SMARCA4: variants seen among roughly 807,000 people sequenced by gnomAD.
The protein encoded by SMARCA4 is SWI/SNF related BAF chromatin remodeling complex subunit ATPase 4.
Under a neutral mutation model 193.9 loss-of-function variants are expected in SMARCA4, and 31 were observed. The observed-to-expected ratio is 0.16, with a 90% CI of 0.12 to 0.22. The LOEUF (loss-of-function observed/expected upper bound fraction) is 0.22, where lower values mean the gene tolerates loss of function less well. SMARCA4 is among the 10% of genes least tolerant of loss of function. The probability of loss-of-function intolerance (pLI) is 1.00; values close to 1 mark genes in which losing one functional copy is unlikely to be tolerated. For missense variants in SMARCA4, 1,148 were observed against 2,296.0 expected (o/e 0.50, Z 10.22); for synonymous variants, 942 against 933.1 (o/e 1.01, Z -0.17).
intron 1 of SMARCA4, among the ~76,000 whole-genome samples, chr19:10,962,840 G>C (rs1469268843): frequency 1.3e-5 from 2 of 152,238 alleles, no homozygotes; most frequent in East Asian, 1.9e-4. Flanking sequence ...ACTGCGCCAG[G>C]ATTGTATTTT....
intron 15 of SMARCA4, chr19:11,010,804 G>A (rs1012136119): frequency 2.6e-5 from 13 of 492,270 alleles, no homozygotes; most frequent in African/African-American, 2.3e-4. Flanking sequence ...CACTCCAGTG[G>A]CCTCACAGAG....
At chr19:11,020,161 T>C (rs2089732110) in intron 18 of SMARCA4, among the ~76,000 whole-genome samples, 2 of 152,208 alleles carry the variant, frequency 1.3e-5, no homozygotes, top group Admixed American at 1.3e-4. Context: ...CATGACTGCC[T>C]GCTGGCCTTG....
chr19:11,034,245 G>C lies in SMARCA4; in HGVS notation c.3951+45G>C, dbSNP rs1462685631. 2 of 1,462,250 alleles carry C rather than the reference G, an allele frequency of 1.4e-6. No homozygotes were observed. The highest frequency in any genetic ancestry group is 1.1e-5 in the South Asian group (1 of 88,144). The allele number at this position is 1,462,250 out of a possible 1,614,324, so 90.6% of individuals were successfully genotyped here. A position where few individuals can be genotyped will look rare whatever the true frequency, so the allele number is the denominator to read the frequency against. On this transcript the variant is annotated intron_variant, in intron 28 of 34. Coordinates refer to ENST00000344626, the MANE Select transcript of SMARCA4 (RefSeq NM_003072.5). This position sits in a 1 kb window ranked among gnomAD's most constrained non-coding sequence, Gnocchi z 7.0. ...TGGGGCAGTTCAGGCATCCCACTCT[G>C]CTGCCACCAGGAGCAAAGCAGACGT...
chr19:11,060,983 C>G (rs995735022), intron 34 of SMARCA4, among the ~76,000 whole-genome samples: 1 of 151,992 alleles, frequency 6.6e-6, no homozygotes, highest in Non-Finnish European at 1.5e-5. Context: ...TCTCTCTTGC[C>G]TAATCCAGAG....
chr19:10,964,804 A>C (rs1420147423), intron 1 of SMARCA4, among the ~76,000 whole-genome samples: 2 of 151,740 alleles, frequency 1.3e-5, no homozygotes, highest in Non-Finnish European at 2.9e-5. Flanking sequence ...TTTAGTAGAG[A>C]CCGGGTTTCA....
In SMARCA4 at chr19:10,984,889, A is replaced by T. The variant is rs564721085; in HGVS notation, c.223-384A>T. Reference sequence around the variant, plus strand: ...CTTTATGGTCACAAGTCTCTTTTGCATGTCCCTGGATGTGGTTAGAGGACA... The same window carrying T: ...CTTTATGGTCACAAGTCTCTTTTGCTTGTCCCTGGATGTGGTTAGAGGACA... On this transcript the variant is annotated intron_variant, in intron 2 of 34. Transcript: ENST00000344626. The surrounding 1 kb of genome is among the most constrained non-coding windows in gnomAD (Gnocchi z 4.3). Among the ~76,000 whole-genome samples, 1 of 152,292 alleles carries T rather than the reference A, an allele frequency of 6.6e-6. No homozygotes were observed. Among genetic ancestry groups the T allele is most frequent in the East Asian group, 1.9e-4 (1 of 5,182 alleles).
intron 1 of SMARCA4, among the ~76,000 whole-genome samples, chr19:10,978,780 A>AAAAAT (rs2085333697): frequency 6.7e-6 from 1 of 148,152 alleles, no homozygotes; most frequent in African/African-American, 2.5e-5. Context: ...AAATACAAAA[A>AAAAAT]ATATATATAT....
At chr19:11,000,002 G>A (rs1167011248) in intron 11 of SMARCA4, among the ~76,000 whole-genome samples, 2 of 152,108 alleles carry the variant, frequency 1.3e-5, no homozygotes, top group African/African-American at 4.8e-5. Context: ...AAGGTGGGCG[G>A]ATCACCTAAG....
At position 11,033,580 on chromosome 19, in the gene SMARCA4, A is replaced by G. The variant is rs1270704186; in HGVS notation, c.3774+63A>G. ...AATGGTGGACGCGTGAGCGGCTTTCATTTTTGTTTTTTTACCTTTTTTGCA... is the reference window on the plus strand; with the variant it reads ...AATGGTGGACGCGTGAGCGGCTTTCGTTTTTGTTTTTTTACCTTTTTTGCA... On this transcript the variant is annotated intron_variant, in intron 26 of 34. Coordinates refer to ENST00000344626, the MANE Select transcript of SMARCA4 (RefSeq NM_003072.5). The surrounding 1 kb of genome is among the most constrained non-coding windows in gnomAD (Gnocchi z 9.8). 9 of 1,388,576 alleles carry G rather than the reference A, an allele frequency of 6.5e-6. No individual in the cohort carries two copies. The highest frequency in any genetic ancestry group is 2.8e-5 in the African/African-American group (2 of 70,342). The allele number at this position is 1,388,576 out of a possible 1,614,324, so 86.0% of individuals were successfully genotyped here.
chr19:11,061,500 C>T (rs2147151466), intron 34 of SMARCA4, among the ~76,000 whole-genome samples: 1 of 152,150 alleles, frequency 6.6e-6, no homozygotes, highest in African/African-American at 2.4e-5. Context: ...CTCAGCCTCC[C>T]AAGTAGCTGG....
intron 1 of SMARCA4, among the ~76,000 whole-genome samples, chr19:10,966,860 C>T (rs2084263252): frequency 6.6e-6 from 1 of 151,208 alleles, no homozygotes; most frequent in Admixed American, 6.6e-5. Flanking sequence ...TGCACTCCAG[C>T]CTGGGCGACA....
chr19:11,018,142 C>T (rs934342420), intron 16 of SMARCA4, among the ~76,000 whole-genome samples: 1 of 152,176 alleles, frequency 6.6e-6, no homozygotes, highest in Non-Finnish European at 1.5e-5. Context: ...GGGGGCAAAC[C>T]ACGAGTAGTC....
At chr19:10,997,116 T>C (rs2087139330) in intron 11 of SMARCA4, among the ~76,000 whole-genome samples, 2 of 151,884 alleles carry the variant, frequency 1.3e-5, no homozygotes, top group Admixed American at 1.3e-4. Context: ...GCCCCGCGAG[T>C]TCAATCAATT....
chr19:10,979,755 A>C lies in SMARCA4; in HGVS notation c.-31-4366A>C, dbSNP rs563746364. On this transcript the variant is annotated intron_variant, in intron 1 of 34. Transcript: ENST00000344626. Reference sequence around the variant, plus strand: ...ATGTATTATAGACGTGACCCACCACACCCGTCATTTTATTGGAAGTTCAAT... The same window carrying C: ...ATGTATTATAGACGTGACCCACCACCCCCGTCATTTTATTGGAAGTTCAAT... 2.6e-5 allele frequency among the ~76,000 whole-genome samples: 4 copies of C among 151,988 alleles called. No homozygotes were observed. The South Asian group carries it at 8.3e-4, about 32-fold the overall frequency.
intron 6 of SMARCA4, among the ~76,000 whole-genome samples, chr19:10,989,002 C>T (rs2086311013): frequency 1.3e-5 from 2 of 152,218 alleles, no homozygotes; most frequent in African/African-American, 2.4e-5. Context: ...CACCGCCCTG[C>T]GCCTCATCCA....
rs539710314 is a variant in SMARCA4 at position 10,986,291 on chromosome 19, C to T, written c.458C>T (p.Pro153Leu). The change falls in exon 4 of 35, where the codon CCG becomes CTG. Residue 153 changes from proline (P) to leucine (L), a missense_variant. This residue lies in a region of SMARCA4 where 201 missense variants were observed against 248.3 expected (regional missense o/e 0.81). Transcript: ENST00000344626. The surrounding 1 kb of genome is among the most constrained non-coding windows in gnomAD (Gnocchi z 6.7). ...ATGTCTTCCGGGCCAGGAGGTGCCC[C>T]GCTGGATGGTGCTGACCCCCAGGCC... is the stretch of plus-strand genomic sequence containing the variant. ...PQMSSGPGGA[P>L]LDGADPQALG... is the part of the protein sequence containing the mutation. 20 of 1,613,774 alleles carry T rather than the reference C, an allele frequency of 1.2e-5. No homozygotes were observed. The highest frequency in any genetic ancestry group is 4.5e-5 in the East Asian group (2 of 44,876).
At chr19:11,060,750 T>C (rs1023229424) in intron 34 of SMARCA4, among the ~76,000 whole-genome samples, 2 of 152,144 alleles carry the variant, frequency 1.3e-5, no homozygotes, top group African/African-American at 4.8e-5. Flanking sequence ...TTTCCTCTTA[T>C]GCAAAGCAAG....
intron 10 of SMARCA4, 53 bp from the exon 11 acceptor site, chr19:10,996,441 T>C (rs2145977404): frequency 6.2e-7 from 1 of 1,613,688 alleles, no homozygotes; most frequent in Admixed American, 1.7e-5. Flanking sequence ...TCTTCACGTG[T>C]GTGGCCTCAG....
chr19:10,987,116 T>C lies in SMARCA4; in HGVS notation c.859+113T>C, dbSNP rs1476846444. 2 of 769,710 alleles carry C rather than the reference T, an allele frequency of 2.6e-6. No individual in the cohort carries two copies. The highest frequency in any genetic ancestry group is 4.5e-6 in the Non-Finnish European group (2 of 447,816). 47.7% of individuals were successfully genotyped at this position (769,710 alleles called of 1,614,324 possible). ...AGGGCCGAGGGTGGTCAGGCTGAAC[T>C]GCAGCCTGTACTTTTCTTGTGGTGG... On this transcript the variant is annotated intron_variant, in intron 5 of 34. Transcript: ENST00000344626. The surrounding 1 kb of genome is among the most constrained non-coding windows in gnomAD (Gnocchi z 5.3).
Sources: allele counts gnomAD v4.1 joint callset (sites outside exome capture counted in the v4.1 genomes callset), GRCh38; gene constraint gnomAD v4.1.1; regional missense constraint gnomAD v4.1.1; non-coding constraint Gnocchi (gnomAD v3.1); transcripts MANE v1.5; gene names NCBI Gene and HGNC (gene_info 2026-07-23, HGNC 2026-07-21).